The following CACHD1 variants were observed in gnomAD, a reference collection of about 807,000 sequenced individuals.
CACHD1 encodes the protein cache domain containing 1, also known as VWFA and cache domain-containing protein 1.
In CACHD1, 71 loss-of-function variants were observed where a neutral mutation model predicts 138.7. That is an observed-to-expected ratio of 0.51 (90% CI 0.42 to 0.62). CACHD1 has a LOEUF of 0.62. Among genes scored for constraint, CACHD1 ranks in the 20% least tolerant of loss-of-function variants. The pLI is 0.00. For synonymous variants in CACHD1, 578 were observed against 591.5 expected (o/e 0.98, Z 0.33); for missense variants, 1,389 against 1,625.3 (o/e 0.85, Z 2.50).
At chr1:64,565,896 C>G (rs916519372) in intron 2 of CACHD1, among the ~76,000 whole-genome samples, 1 of 152,088 alleles carries the variant, frequency 6.6e-6, no homozygotes, top group Non-Finnish European at 1.5e-5. Context: ...TTAGTGTTTT[C>G]TTTATTTATA....
chr1:64,547,005 TTTGTTTAA>T (rs2100444789), intron 1 of CACHD1, among the ~76,000 whole-genome samples: 1 of 152,286 alleles, frequency 6.6e-6, no homozygotes, highest in South Asian at 2.1e-4. Context: ...TATGAATGAA[TTTGTTTAA>T]TAGCTTTGCT....
chr1:64,628,135 CCAT>C (rs1648173725), intron 4 of CACHD1, among the ~76,000 whole-genome samples: 1 of 152,156 alleles, frequency 6.6e-6, no homozygotes, highest in South Asian at 2.1e-4. Context: ...AGGTGAAGAT[CCAT>C]CATCATTGTT....
chr1:64,500,733 AAAGAGAG>A (rs1386480788), intron 1 of CACHD1, among the ~76,000 whole-genome samples: 14 of 122,068 alleles, frequency 1.1e-4, no homozygotes, highest in South Asian at 5.0e-4. Context: ...AAAAAAAAAA[AAAGAGAG>A]AGAGAGAGAG....
Position 64,654,457 on chromosome 1 carries a change from G to A in CACHD1, c.1665-229G>A, listed in dbSNP as rs574405829. On this transcript the variant is annotated intron_variant, in intron 11 of 26. Coordinates refer to ENST00000651257, the MANE Select transcript of CACHD1 (RefSeq NM_020925.4). ...TTTGAGACAAGTTAGTCTCTGGAAA[G>A]AATTAGAGTTGGGGAGCAAGGATGG... Among the ~76,000 whole-genome samples, 5 of 152,306 alleles carry A rather than the reference G, an allele frequency of 3.3e-5. No homozygotes were observed. In the South Asian group the frequency reaches 1.0e-3, roughly 32 times the overall value.
At chr1:64,552,680 T>C (rs1023430796) in intron 2 of CACHD1, among the ~76,000 whole-genome samples, 3 of 152,208 alleles carry the variant, frequency 2.0e-5, no homozygotes, top group Admixed American at 6.5e-5. Flanking sequence ...GGTCTTGCCA[T>C]GTTGCCCAGG....
intron 12 of CACHD1, 151 bp downstream of exon 12, chr1:64,654,954 C>T (rs1030095828): frequency 2.1e-5 from 13 of 630,714 alleles, no homozygotes; most frequent in African/African-American, 1.6e-4. Flanking sequence ...GGAAAGAAGA[C>T]ATTCCACAGG....
chr1:64,645,471 C>T (rs1026807494), intron 8 of CACHD1, among the ~76,000 whole-genome samples: 4 of 151,402 alleles, frequency 2.6e-5, no homozygotes, highest in Non-Finnish European at 5.9e-5. Flanking sequence ...TGCTATGTAC[C>T]CATAAAAATT....
intron 15 of CACHD1, 27 bp downstream of exon 15, chr1:64,664,706 A>G: frequency 1.9e-6 from 3 of 1,606,034 alleles, no homozygotes; most frequent in Non-Finnish European, 2.6e-6. Flanking sequence ...TCCGTTATCA[A>G]AGGTTCTCCC....
intron 2 of CACHD1, among the ~76,000 whole-genome samples, chr1:64,566,399 G>T (rs1646880598): frequency 6.7e-6 from 1 of 149,892 alleles, no homozygotes; most frequent in African/African-American, 2.4e-5. Context: ...CCCTTTCCAG[G>T]GTCACCCAAG....
chr1:64,498,310 C>T (rs550615841), intron 1 of CACHD1, among the ~76,000 whole-genome samples: 1 of 152,278 alleles, frequency 6.6e-6, no homozygotes, highest in South Asian at 2.1e-4. Flanking sequence ...GTGCGTGCTC[C>T]AGCATATTAG....
chr1:64,647,825 T>C lies in CACHD1; in HGVS notation c.1181T>C (p.Leu394Pro). Residue 394 changes from leucine (L) to proline (P), a missense_variant, in exon 9 of 27, where the codon CTG (leucine) becomes CCG (proline). Around this residue, in one of 5 missense-constraint regions of CACHD1, gnomAD observed 1,000 missense variants for 1,114.7 expected, o/e 0.90. Coordinates refer to ENST00000651257, the MANE Select transcript of CACHD1 (RefSeq NM_020925.4). ...GATGGGGTGACTGGTTTGAAAGAGCTGGCTTTTCTGAGGGATCTAGCTGAA... is the reference window on the plus strand; with the variant it reads ...GATGGGGTGACTGGTTTGAAAGAGCCGGCTTTTCTGAGGGATCTAGCTGAA... ...MNDGVTGLKE[L>P]AFLRDLAEQN... is the part of the protein sequence containing the mutation. The C allele has an allele frequency of 6.2e-7, 1 of 1,614,206 alleles. No individual in the cohort carries two copies. Among genetic ancestry groups the C allele is most frequent in the Non-Finnish European group, 8.5e-7 (1 of 1,180,028 alleles).
At chr1:64,681,545 T>TTTTTTG (rs1557555766) in intron 25 of CACHD1, among the ~76,000 whole-genome samples, 9 of 113,736 alleles carry the variant, frequency 7.9e-5, no homozygotes, top group African/African-American at 1.7e-4. Flanking sequence ...TATTGTGTTT[T>TTTTTTG]TTTTTTTTTT....
intron 16 of CACHD1, among the ~76,000 whole-genome samples, chr1:64,666,872 AC>A (rs1389565078): frequency 1.4e-4 from 20 of 138,012 alleles, no homozygotes; most frequent in Non-Finnish European, 2.4e-4. Context: ...AAAAAAAAAA[AC>A]GAGAAAGAAA....
intron 1 of CACHD1, among the ~76,000 whole-genome samples, chr1:64,495,692 T>C (rs1570304565): frequency 2.8e-4 from 1 of 3,536 alleles, no homozygotes; most frequent in East Asian, 0.5. Flanking sequence ...AGAGAATTAC[T>C]TTTTTTTTTT....
At chr1:64,558,142 A>G (rs1646812432) in intron 2 of CACHD1, among the ~76,000 whole-genome samples, 1 of 152,166 alleles carries the variant, frequency 6.6e-6, no homozygotes, top group South Asian at 2.1e-4. Flanking sequence ...CCCATCCCAC[A>G]AATCTACTCT....
chr1:64,641,910 A>T lies in CACHD1; in HGVS notation c.1097A>T (p.Asn366Ile). The T allele has an allele frequency of 6.2e-7, 1 of 1,607,212 alleles. No homozygotes were observed. Among genetic ancestry groups the T allele is most frequent in the South Asian group, 1.1e-5 (1 of 89,526 alleles). ...AAAAAAGCGACTCTCCAAGTCATCAATGAAGAAAATAGCTTTCTAAACAAC... is the reference window on the plus strand; with the variant it reads ...AAAAAAGCGACTCTCCAAGTCATCATTGAAGAAAATAGCTTTCTAAACAAC... ...EDKKATLQVI[N>I]EENSFLNNSV... Residue 366 changes from asparagine (N) to isoleucine (I), a missense_variant, in exon 8 of 27, where the codon AAT (asparagine) becomes ATT (isoleucine). By Grantham distance (149) the Asn-to-Ile change is moderately radical (BLOSUM62 -3). Coordinates refer to ENST00000651257, the MANE Select transcript of CACHD1 (RefSeq NM_020925.4).
At chr1:64,583,182 A>G (rs573849252) in intron 3 of CACHD1, among the ~76,000 whole-genome samples, 17 of 152,262 alleles carry the variant, frequency 1.1e-4, no homozygotes, top group Non-Finnish European at 1.6e-4. Flanking sequence ...GCAAGTTTTT[A>G]CTTATTATGA....
intron 19 of CACHD1, among the ~76,000 whole-genome samples, chr1:64,675,055 ATTGTC>A (rs1570473606): frequency 6.6e-6 from 1 of 152,130 alleles, no homozygotes; most frequent in Non-Finnish European, 1.5e-5. Context: ...TTCCCTGAAA[ATTGTC>A]TTTTATTGCT....
At position 64,673,211 on chromosome 1, in the gene CACHD1, AC is replaced by A; in HGVS notation, c.2568del (p.Gly858AspfsTer17). On this transcript the variant is annotated frameshift_variant, in exon 18 of 27. Transcript: ENST00000651257. LOFTEE classifies it high-confidence loss of function. Reference protein sequence around the residue: ...GYLVAHPTLIDPKGHAPVEQQ... With the variant: ...GYLVAHPTLIXPKGHAPVEQQ... ...CTGGTGGCGCACCCGACTCTCATCGACCCCAAAGGACATGCACCTGTGGAGC... is the reference window on the plus strand; with the variant it reads ...CTGGTGGCGCACCCGACTCTCATCGACCCAAAGGACATGCACCTGTGGAGC... 6.2e-7 allele frequency: 1 copy of A among 1,613,938 alleles called. No individual in the cohort carries two copies. Among genetic ancestry groups the A allele is most frequent in the Non-Finnish European group, 8.5e-7 (1 of 1,179,976 alleles).
Sources: allele counts gnomAD v4.1 joint callset (sites outside exome capture counted in the v4.1 genomes callset), GRCh38; gene constraint gnomAD v4.1.1; regional missense constraint gnomAD v4.1.1; transcripts MANE v1.5; gene names NCBI Gene and HGNC (gene_info 2026-07-23, HGNC 2026-07-21).